The following PDGFD variants were observed in gnomAD, a reference collection of about 807,000 sequenced individuals.
PDGFD encodes the protein platelet derived growth factor D, also known as platelet-derived growth factor D.
In PDGFD, 30 loss-of-function variants were observed where a neutral mutation model predicts 44.7. The observed-to-expected ratio is 0.67, with a 90% CI of 0.50 to 0.91. The LOEUF is 0.91. Ranked by LOEUF, PDGFD falls within the 40% of genes least tolerant of loss-of-function variation. PDGFD has a pLI of 0.00. For synonymous variants in PDGFD, 173 were observed against 168.4 expected (o/e 1.03, Z -0.21); for missense variants, 445 against 457.8 (o/e 0.97, Z 0.25).
intron 1 of PDGFD, among the ~76,000 whole-genome samples, chr11:104,116,612 G>A (rs1238564415): frequency 6.6e-6 from 1 of 151,956 alleles, no homozygotes; most frequent in Non-Finnish European, 1.5e-5. Flanking sequence ...TATCCCTGAT[G>A]AACATAGATG....
chr11:104,156,998 A>G (rs1222626051), intron 1 of PDGFD, among the ~76,000 whole-genome samples: 1 of 152,198 alleles, frequency 6.6e-6, no homozygotes, highest in African/African-American at 2.4e-5. Flanking sequence ...CATCCCTCAC[A>G]TAGAAGTGTA....
intron 6 of PDGFD, among the ~76,000 whole-genome samples, chr11:103,917,442 A>C (rs1858144478): frequency 6.6e-6 from 1 of 152,218 alleles, no homozygotes; most frequent in Admixed American, 6.5e-5. Flanking sequence ...ATACATAGTC[A>C]GATTAATATA....
At chr11:104,070,524 A>G (rs1392565491) in intron 1 of PDGFD, among the ~76,000 whole-genome samples, 1 of 152,216 alleles carries the variant, frequency 6.6e-6, no homozygotes, top group Non-Finnish European at 1.5e-5. Context: ...CAGGAGTTCA[A>G]TATGTGTTTA....
chr11:103,949,901 A>G (rs1198792031), intron 3 of PDGFD, among the ~76,000 whole-genome samples: 2 of 152,208 alleles, frequency 1.3e-5, no homozygotes, highest in East Asian at 1.9e-4. Flanking sequence ...AAACGCGGGT[A>G]GAAGACTCAA....
At chr11:104,154,042 A>C (rs1011699516) in intron 1 of PDGFD, among the ~76,000 whole-genome samples, 1 of 152,216 alleles carries the variant, frequency 6.6e-6, no homozygotes, top group African/African-American at 2.4e-5. Flanking sequence ...GTATGTGTTC[A>C]ATGTCATATT....
chr11:104,086,506 G>T (rs1861132830), intron 1 of PDGFD, among the ~76,000 whole-genome samples: 2 of 152,136 alleles, frequency 1.3e-5, no homozygotes, highest in African/African-American at 4.8e-5. Flanking sequence ...CCTAAAAACA[G>T]ATTAGCACTA....
At chr11:103,918,709 C>A (rs191216129) in intron 6 of PDGFD, among the ~76,000 whole-genome samples, 3 of 152,202 alleles carry the variant, frequency 2.0e-5, no homozygotes, top group Admixed American at 6.5e-5. Flanking sequence ...GACAGGAGAG[C>A]ACTATTTGAA....
chr11:104,031,217 G>C (rs1860119513), intron 1 of PDGFD, among the ~76,000 whole-genome samples: 2 of 152,092 alleles, frequency 1.3e-5, no homozygotes, highest in South Asian at 4.1e-4. Flanking sequence ...CTATAGAATG[G>C]GAGAGAAATT....
chr11:104,065,583 T>TA (rs1168278065), intron 1 of PDGFD, among the ~76,000 whole-genome samples: 1 of 152,184 alleles, frequency 6.6e-6, no homozygotes, highest in African/African-American at 2.4e-5. Flanking sequence ...AATTGGCTTT[T>TA]AAAAAACTGT....
chr11:104,041,841 G>A (rs1010181202), intron 1 of PDGFD, among the ~76,000 whole-genome samples: 1 of 152,160 alleles, frequency 6.6e-6, no homozygotes, highest in African/African-American at 2.4e-5. Context: ...ATAAATCGAT[G>A]TTTGCAGGTA....
chr11:103,952,060 C>G (rs1023034308), intron 3 of PDGFD, among the ~76,000 whole-genome samples: 1 of 152,162 alleles, frequency 6.6e-6, no homozygotes, highest in Non-Finnish European at 1.5e-5. Flanking sequence ...TAGTTTACAG[C>G]CAGTGTCCAT....
chr11:103,950,212 G>A (rs187177889), intron 3 of PDGFD, among the ~76,000 whole-genome samples: 4 of 152,132 alleles, frequency 2.6e-5, no homozygotes, highest in South Asian at 4.2e-4. Flanking sequence ...CTTGGAACTG[G>A]AAATAGTTTT....
intron 1 of PDGFD, among the ~76,000 whole-genome samples, chr11:104,045,292 A>T (rs260812): frequency 0.016 from 2,369 of 152,318 alleles, 67 homozygotes; most frequent in African/African-American, 0.054. Context: ...ATTTAAACTC[A>T]TTTATAAGAT....
chr11:104,094,613 C>G (rs1465658225), intron 1 of PDGFD, among the ~76,000 whole-genome samples: 1 of 152,118 alleles, frequency 6.6e-6, no homozygotes, highest in Non-Finnish European at 1.5e-5. Flanking sequence ...AAGTACCCTT[C>G]ATCTAATCAT....
chr11:104,100,950 C>T (rs1861368361), intron 1 of PDGFD, among the ~76,000 whole-genome samples: 1 of 152,042 alleles, frequency 6.6e-6, no homozygotes, highest in Non-Finnish European at 1.5e-5. Flanking sequence ...TGGGATGTAT[C>T]TCAAAATAAT....
At chr11:103,960,968 C>A (rs138426908) in intron 3 of PDGFD, among the ~76,000 whole-genome samples, 2 of 152,242 alleles carry the variant, frequency 1.3e-5, no homozygotes, top group East Asian at 3.9e-4. Flanking sequence ...TTGTCAATAC[C>A]AACAGAGTGG....
intron 1 of PDGFD, among the ~76,000 whole-genome samples, chr11:104,132,043 C>T (rs1263288059): frequency 2.6e-5 from 4 of 151,626 alleles, no homozygotes; most frequent in East Asian, 2.0e-4. Context: ...TTGAGATTTA[C>T]GTACCTTCTG....
rs61751517 is a variant in PDGFD, at chr11:103,943,495, G to T, written c.729C>A (p.Thr243=). ...QEDLENMYLD[T]PRYRGRSYHD... ...GGTATGACCTGCCTCGATACCGAGGGGTGTCCAGATACATATTCTCAAGAT... is the reference window on the plus strand; with the variant it reads ...GGTATGACCTGCCTCGATACCGAGGTGTGTCCAGATACATATTCTCAAGAT... Residue 243 remains threonine, a synonymous_variant, in exon 5 of 7, where the codon ACC becomes ACA. Transcript: ENST00000393158. 1,341 of 1,613,014 alleles carry T rather than the reference G, an allele frequency of 8.3e-4. 12 individuals are homozygous for T. The African/African-American group carries it at 0.017, about 20-fold the overall frequency.
intron 3 of PDGFD, among the ~76,000 whole-genome samples, chr11:103,971,473 C>A (rs140553678): frequency 6.6e-6 from 1 of 151,882 alleles, no homozygotes. Flanking sequence ...TTTTTGCTTA[C>A]GGACATTTAT....
Sources: gnomAD v4.1 joint callset for allele counts (sites outside exome capture counted in the v4.1 genomes callset) on GRCh38, gnomAD v4.1.1 for gene constraint, MANE v1.5 for transcripts, NCBI Gene and HGNC (gene_info 2026-07-23, HGNC 2026-07-21) for gene names.